Variants in ZNF438 observed in about 807,000 individuals in gnomAD.
ZNF438 encodes the protein zinc finger protein 438.
Under a neutral mutation model 38.0 loss-of-function variants are expected in ZNF438, and 25 were observed. The observed-to-expected ratio is 0.66, with a 90% CI of 0.48 to 0.92. The LOEUF is 0.92. Among genes scored for constraint, ZNF438 ranks in the 40% least tolerant of loss-of-function variants. The pLI is 0.00. For missense variants in ZNF438, 1,007 were observed against 999.6 expected (o/e 1.01, Z -0.10); for synonymous variants, 372 against 364.1 (o/e 1.02, Z -0.25).
chr10:31,008,003 C>A (rs1564840927), intron 1 of ZNF438, among the ~76,000 whole-genome samples: 1 of 152,172 alleles, frequency 6.6e-6, no homozygotes, highest in Non-Finnish European at 1.5e-5. Context: ...TCACTTATTG[C>A]TAATTAACTG....
Position 30,879,212 on chromosome 10 carries a change from G to A in ZNF438, c.-31-2147C>T, listed in dbSNP as rs114601295. 3.9e-3 allele frequency among the ~76,000 whole-genome samples: 588 copies of A among 152,120 alleles called. 7 individuals are homozygous for A. Among genetic ancestry groups the A allele is most frequent in the African/African-American group, 0.013 (551 of 41,498 alleles). On this transcript the variant is annotated intron_variant, in intron 3 of 5. Coordinates refer to ENST00000413025, the Ensembl canonical transcript of ZNF438. ...AATATTGCCTGTTCCCATTAGCTAG[G>A]GTAAAAAAACTCATAATCCACAAAG...
intron 1 of ZNF438, among the ~76,000 whole-genome samples, chr10:31,004,240 C>T (rs1192122003): frequency 6.6e-6 from 1 of 152,118 alleles, no homozygotes; most frequent in African/African-American, 2.4e-5. Flanking sequence ...CCCAAAATGT[C>T]AATAGTGCTG....
chr10:30,942,853 G>C (rs970878288), intron 1 of ZNF438, among the ~76,000 whole-genome samples: 2 of 152,168 alleles, frequency 1.3e-5, no homozygotes, highest in Non-Finnish European at 2.9e-5. Context: ...TTTTAGAAGA[G>C]GCCTTCCACA....
In ZNF438 at chr10:30,994,848, T is replaced by C. The variant is rs114719568; in HGVS notation, c.-192+36985A>G. Reference sequence around the variant, plus strand: ...GAATTTGATACCAGCCTAGGAAACATGGTGAGACCCTGTCTCTATAAAAAA... The same window carrying C: ...GAATTTGATACCAGCCTAGGAAACACGGTGAGACCCTGTCTCTATAAAAAA... On this transcript the variant is annotated intron_variant, in intron 1 of 5. Coordinates refer to ENST00000413025, the Ensembl canonical transcript of ZNF438. Among the ~76,000 whole-genome samples, 851 of 151,936 alleles carry C rather than the reference T, an allele frequency of 5.6e-3. 12 individuals are homozygous for C. Among genetic ancestry groups the C allele is most frequent in the African/African-American group, 0.02 (812 of 41,422 alleles).
Position 30,864,736 on chromosome 10 carries a change from C to G in ZNF438, c.37+12262G>C, listed in dbSNP as rs77087832. On this transcript the variant is annotated intron_variant, in intron 4 of 5. Coordinates refer to ENST00000413025, the Ensembl canonical transcript of ZNF438. The stretch of plus-strand genomic sequence containing the variant: ...AGCAACAAGAAAGAGTCGTTAGGCC[C>G]CATCTCCTTCCTTTTCTTCCTGAGA... 3.4e-3 allele frequency among the ~76,000 whole-genome samples: 515 copies of G among 152,288 alleles called. 4 individuals are homozygous for G. The highest frequency in any genetic ancestry group is 0.011 in the African/African-American group (473 of 41,564).
At chr10:30,940,621 G>A (rs1248844173) in intron 2 of ZNF438, among the ~76,000 whole-genome samples, 1 of 152,170 alleles carries the variant, frequency 6.6e-6, no homozygotes, top group African/African-American at 2.4e-5. Context: ...CTAGGCAAAC[G>A]AACATGGATT....
chr10:30,953,421 T>TA (rs1003447608), intron 1 of ZNF438, among the ~76,000 whole-genome samples: 28 of 144,010 alleles, frequency 1.9e-4, no homozygotes, highest in South Asian at 6.7e-4. Context: ...TTTAAAAAAT[T>TA]AAAAAAAAAA....
intron 4 of ZNF438, among the ~76,000 whole-genome samples, chr10:30,858,630 A>G (rs1314388702): frequency 6.6e-6 from 1 of 152,228 alleles, no homozygotes; most frequent in Non-Finnish European, 1.5e-5. Context: ...TCTAGTCCAC[A>G]TATCTGCAGC....
At chr10:30,874,105 T>G (rs1455184951) in intron 4 of ZNF438, among the ~76,000 whole-genome samples, 34 of 29,168 alleles carry the variant, frequency 1.2e-3, no homozygotes, top group East Asian at 1.7e-3. Context: ...TGTGTGGGGG[T>G]GTGTGTGTGT....
At chr10:30,948,280 T>G (rs908632925) in intron 1 of ZNF438, among the ~76,000 whole-genome samples, 1 of 151,848 alleles carries the variant, frequency 6.6e-6, no homozygotes, top group African/African-American at 2.4e-5. Context: ...CAAAAGTAGA[T>G]AAAACCACAA....
At chr10:30,948,139 A>G (rs2047675876) in intron 1 of ZNF438, among the ~76,000 whole-genome samples, 1 of 151,790 alleles carries the variant, frequency 6.6e-6, no homozygotes, top group Admixed American at 6.6e-5. Flanking sequence ...GCAGGGGCAC[A>G]CCGACATCTC....
intron 1 of ZNF438, among the ~76,000 whole-genome samples, chr10:30,987,400 GTTTTC>G (rs967846955): frequency 2.8e-4 from 43 of 151,182 alleles, no homozygotes; most frequent in African/African-American, 1.0e-3. Flanking sequence ...GATAGTCCAT[GTTTTC>G]TTTTTGTTAT....
chr10:31,019,744 G>A (rs187726701), intron 1 of ZNF438, among the ~76,000 whole-genome samples: 26 of 152,284 alleles, frequency 1.7e-4, no homozygotes, highest in Non-Finnish European at 3.2e-4. Context: ...GTTTTTTGTA[G>A]AAGCGTGTCC....
At chr10:30,950,312 G>C (rs1261776345) in intron 1 of ZNF438, among the ~76,000 whole-genome samples, 9 of 151,798 alleles carry the variant, frequency 5.9e-5, no homozygotes, top group African/African-American at 2.2e-4. Flanking sequence ...ATCCAAAATT[G>C]ACACCCTAAC....
chr10:30,931,737 C>A (rs950785032), intron 2 of ZNF438, among the ~76,000 whole-genome samples: 5 of 152,084 alleles, frequency 3.3e-5, no homozygotes, highest in African/African-American at 1.2e-4. Context: ...AACATTCTTG[C>A]CAATTCTTTA....
intron 1 of ZNF438, among the ~76,000 whole-genome samples, chr10:30,952,231 A>T (rs1023512449): frequency 4.7e-5 from 7 of 150,358 alleles, no homozygotes; most frequent in African/African-American, 1.7e-4. Context: ...CCTTCCTTAC[A>T]CCTTATACAA....
chr10:30,964,384 A>G (rs1200091134), intron 1 of ZNF438, among the ~76,000 whole-genome samples: 2 of 152,202 alleles, frequency 1.3e-5, no homozygotes, highest in Non-Finnish European at 2.9e-5. Context: ...CACTTAGCTC[A>G]TAACTATATT....
intron 2 of ZNF438, among the ~76,000 whole-genome samples, chr10:30,928,980 C>T (rs959462255): frequency 4.6e-5 from 7 of 152,148 alleles, no homozygotes; most frequent in African/African-American, 1.7e-4. Flanking sequence ...GTTACTGTAT[C>T]ATATGCTTTC....
intron 1 of ZNF438, among the ~76,000 whole-genome samples, chr10:30,947,265 C>G (rs1341168227): frequency 6.6e-6 from 1 of 152,238 alleles, no homozygotes; most frequent in Admixed American, 6.5e-5. Flanking sequence ...TCAGCTGAAC[C>G]TGCCCTTTTC....
Sources: gnomAD v4.1 joint callset for allele counts (sites outside exome capture counted in the v4.1 genomes callset) on GRCh38, gnomAD v4.1.1 for gene constraint, MANE v1.5 for transcripts, NCBI Gene and HGNC (gene_info 2026-07-23, HGNC 2026-07-21) for gene names.